SH3GLB2: variants seen among roughly 807,000 people sequenced by gnomAD.
SH3GLB2 encodes endophilin-B2.
Under a neutral mutation model 48.0 loss-of-function variants are expected in SH3GLB2, and 24 were observed. That is an observed-to-expected ratio of 0.50 (90% confidence interval 0.36 to 0.70). The LOEUF (loss-of-function observed/expected upper bound fraction) is 0.70, where lower values mean the gene tolerates loss of function less well. SH3GLB2 is among the 30% of genes least tolerant of loss of function. The probability of loss-of-function intolerance (pLI) is 0.00; values close to 1 mark genes in which losing one functional copy is unlikely to be tolerated. For missense variants in SH3GLB2, 425 were observed against 516.0 expected (o/e 0.82, Z 1.71); for synonymous variants, 227 against 207.6 (o/e 1.09, Z -0.80).
At chr9:129,016,514 C>T (rs924836830) in intron 3 of SH3GLB2, among the ~76,000 whole-genome samples, 1 of 151,576 alleles carries the variant, frequency 6.6e-6, no homozygotes, top group Non-Finnish European at 1.5e-5. Context: ...AAAAATTAGC[C>T]AGGCGTGGTG....
At position 129,009,323 on chromosome 9, in the gene SH3GLB2, G is replaced by A. The variant is rs1240250089; in HGVS notation, c.863C>T (p.Thr288Ile). The change falls in exon 10 of 11, where the codon ACC (threonine) becomes ATC (isoleucine). Residue 288 changes from threonine to isoleucine, a missense_variant. By Grantham distance (89) the Thr-to-Ile change is moderately conservative. Transcript: ENST00000372564. Reference sequence around the variant, plus strand: ...CAGGGGTGGGGAGGCGGGCTCTGTGGTGCCCACGAAGGTGCCGGGAAATCT... The same window carrying A: ...CAGGGGTGGGGAGGCGGGCTCTGTGATGCCCACGAAGGTGCCGGGAAATCT... ...LGRFPGTFVG[T>I]TEPASPPLSS... 2.6e-6 allele frequency: 4 copies of A among 1,545,572 alleles called. No homozygotes were observed. In the South Asian group the frequency reaches 3.6e-5, roughly 14 times the overall value.
In SH3GLB2 at chr9:129,028,288, G is replaced by T. The variant is rs1158679762; in HGVS notation, c.-134C>A. 1 of 487,382 alleles carries T rather than the reference G, an allele frequency of 2.1e-6. No individual in the cohort carries two copies. The highest frequency in any genetic ancestry group is 2.7e-6 in the Non-Finnish European group (1 of 377,018). The allele number at this position is 487,382 out of a possible 1,614,324, so 30.2% of individuals were successfully genotyped here. A position where few individuals can be genotyped will look rare whatever the true frequency, so the allele number is the denominator to read the frequency against. ...CGCGCACCCGCCTGCCGGCCTGCCC[G>T]CCTGCCCGCCCGCCGCAGCCGCCGA... On this transcript the variant is annotated 5_prime_UTR_variant, in exon 1 of 11. Coordinates refer to ENST00000372564, the MANE Select transcript of SH3GLB2 (RefSeq NM_020145.4).
At chr9:129,026,853 C>T (rs1186444545) in intron 1 of SH3GLB2, among the ~76,000 whole-genome samples, 1 of 152,182 alleles carries the variant, frequency 6.6e-6, no homozygotes, top group Non-Finnish European at 1.5e-5. Flanking sequence ...GCTGGGGCTG[C>T]CCACCAGACT....
chr9:129,009,711 C>A, intron 9 of SH3GLB2, 60 bp downstream of exon 9: 1 of 1,504,786 alleles, frequency 6.6e-7, no homozygotes, highest in South Asian at 1.2e-5. Context: ...CTCATGCTGC[C>A]CACGGACAGG....
At chr9:129,020,021 TG>T (rs922800014) in intron 3 of SH3GLB2, among the ~76,000 whole-genome samples, 48 of 150,496 alleles carry the variant, frequency 3.2e-4, no homozygotes, top group Admixed American at 1.3e-3. Context: ...CTGGCCAACA[TG>T]GTAAAACACC....
chr9:129,011,037 C>A lies in SH3GLB2; in HGVS notation c.625-344G>T. 1 of 359,776 alleles carries A rather than the reference C, an allele frequency of 2.8e-6. No homozygotes were observed. The highest frequency in any genetic ancestry group is 5.1e-6 in the Non-Finnish European group (1 of 195,510). The allele number at this position is 359,776 out of a possible 1,614,324, so 22.3% of individuals were successfully genotyped here. A position where few individuals can be genotyped will look rare whatever the true frequency, so the allele number is the denominator to read the frequency against. ...TGGCTCAGGCTGCTGGGCTGGGCGG[C>A]AGAACTGTGTGACCCTGGGCCAGTC... On this transcript the variant is annotated intron_variant, in intron 6 of 10. Coordinates refer to ENST00000372564, the MANE Select transcript of SH3GLB2 (RefSeq NM_020145.4). This position sits in a 1 kb window ranked among gnomAD's most constrained non-coding sequence, Gnocchi z 4.5.
At chr9:129,010,857 G>A in intron 6 of SH3GLB2, 164 bp from the exon 7 acceptor site, 1 of 799,836 alleles carries the variant, frequency 1.3e-6, no homozygotes, top group Non-Finnish European at 2.0e-6. Flanking sequence ...CCCGGCATGG[G>A]AGCTGGGGGC....
At chr9:129,010,281 C>T (rs1843040258) in intron 7 of SH3GLB2, 72 bp from the exon 8 acceptor site, 1 of 1,350,058 alleles carries the variant, frequency 7.4e-7, no homozygotes, top group South Asian at 1.2e-5. Flanking sequence ...CTCCTGGAGC[C>T]TACCTGGGAG....
intron 7 of SH3GLB2, 50 bp downstream of exon 7, chr9:129,010,620 A>G: frequency 6.2e-7 from 1 of 1,605,046 alleles, no homozygotes; most frequent in Non-Finnish European, 8.5e-7. Context: ...GTGTGCCTGC[A>G]CCCCGCCACC....
In SH3GLB2 at chr9:129,007,722, GACCGCT is replaced by G. The variant is rs1842847063; in HGVS notation, c.*956_*961del. The G allele has an allele frequency of 6.6e-6, 1 of 152,248 alleles. No homozygotes were observed. The highest frequency in any genetic ancestry group is 2.4e-5 in the African/African-American group (1 of 41,446). 9.4% of individuals were successfully genotyped at this position (152,248 alleles called of 1,614,324 possible). ...AAACGCCCGACCTGCAGACAGCACT[GACCGCT>G]ACCCACTTCTTGTGCTTGAACTGAA... On this transcript the variant is annotated 3_prime_UTR_variant, in exon 11 of 11. Transcript: ENST00000372564.
In SH3GLB2 at chr9:129,014,774, G is replaced by A; in HGVS notation, c.465C>T (p.Ile155=). Residue 155 remains isoleucine, a synonymous_variant, in exon 4 of 11, where the codon ATC becomes ATT. Transcript: ENST00000372564. This position sits in a 1 kb window ranked among gnomAD's most constrained non-coding sequence, Gnocchi z 4.1. The stretch of plus-strand genomic sequence containing the variant: ...GGAATAGTCCCAGGGCCCTCACCGA[G>A]ATGGTCTTCCAGTCCCCCTCCAGGA... ...RNFLEGDWKT[I]SKERRLLQNR... The A allele has an allele frequency of 6.2e-7, 1 of 1,613,118 alleles. No individual in the cohort carries two copies. Among genetic ancestry groups the A allele is most frequent in the South Asian group, 1.1e-5 (1 of 91,018 alleles).
chr9:129,018,795 G>A (rs1055986550), intron 3 of SH3GLB2, among the ~76,000 whole-genome samples: 1 of 151,114 alleles, frequency 6.6e-6, no homozygotes, highest in Admixed American at 6.6e-5. Flanking sequence ...GGGAGGCTGA[G>A]GCAGGAGAAT....
chr9:129,017,033 C>T (rs1418057677), intron 3 of SH3GLB2, among the ~76,000 whole-genome samples: 12 of 150,002 alleles, frequency 8.0e-5, no homozygotes, highest in East Asian at 2.0e-4. Flanking sequence ...CTGCAACCTA[C>T]GCCTCCCGGG....
intron 3 of SH3GLB2, among the ~76,000 whole-genome samples, chr9:129,018,304 G>T (rs191430394): frequency 1.3e-5 from 2 of 152,114 alleles, no homozygotes; most frequent in Non-Finnish European, 1.5e-5. Context: ...TTGGCTGGGC[G>T]CAGTGGCTCA....
Position 129,008,495 on chromosome 9 carries a change from A to G in SH3GLB2, c.*189T>C. The stretch of plus-strand genomic sequence containing the variant: ...GGCTCCAGAGCCACAGGTCAGAAGC[A>G]GGGCTGGGGGAGGGGTGGAGCCATT... On this transcript the variant is annotated 3_prime_UTR_variant, in exon 11 of 11. Transcript: ENST00000372564. The G allele has an allele frequency of 1.8e-6, 1 of 560,400 alleles. No homozygotes were observed. The allele number at this position is 560,400 out of a possible 1,614,324, so 34.7% of individuals were successfully genotyped here. A position where few individuals can be genotyped will look rare whatever the true frequency, so the allele number is the denominator to read the frequency against.
At position 129,025,107 on chromosome 9, in the gene SH3GLB2, C is replaced by T. The variant is rs531185623; in HGVS notation, c.64-2684G>A. Among the ~76,000 whole-genome samples the T allele has an allele frequency of 1.7e-4, 26 of 150,282 alleles. No homozygotes were observed. In the East Asian group the frequency reaches 5.1e-3, roughly 29 times the overall value. On this transcript the variant is annotated intron_variant, in intron 1 of 10. Transcript: ENST00000372564. ...CCTGGCTAACATAGTAAAACCCCAT[C>T]TCTACTAAAAATACAAGAATTAGCA...
At position 129,010,173 on chromosome 9, in the gene SH3GLB2, C is replaced by A; in HGVS notation, c.685G>T (p.Asp229Tyr). ...AGACGGGTCACTTCTGCTTGCCGGT[C>A]AAACTCTGTCTGGGCCACGCGGAGC... ...QELRVAQTEF[D>Y]RQAEVTRLLL... The change falls in exon 8 of 11, where the codon GAC (aspartate) becomes TAC (tyrosine). Residue 229 changes from aspartate to tyrosine, a missense_variant. Physicochemically the swap from Asp to Tyr is radical, Grantham distance 160. Transcript: ENST00000372564. 6.2e-7 allele frequency: 1 copy of A among 1,614,014 alleles called. No homozygotes were observed. Among genetic ancestry groups the A allele is most frequent in the Non-Finnish European group, 8.5e-7 (1 of 1,179,992 alleles).
At chr9:129,010,855 G>C in intron 6 of SH3GLB2, 162 bp from the exon 7 acceptor site, 1 of 797,836 alleles carries the variant, frequency 1.3e-6, no homozygotes, top group Non-Finnish European at 2.0e-6. Flanking sequence ...GGCCCGGCAT[G>C]GGAGCTGGGG....
intron 10 of SH3GLB2, 36 bp from the exon 11 acceptor site, chr9:129,008,827 G>T: frequency 6.3e-7 from 1 of 1,587,236 alleles, no homozygotes. Context: ...TCATGGCCTG[G>T]CCAAGGGTGG....
Sources: allele counts gnomAD v4.1 joint callset (sites outside exome capture counted in the v4.1 genomes callset), GRCh38; gene constraint gnomAD v4.1.1; non-coding constraint Gnocchi (gnomAD v3.1); transcripts MANE v1.5; gene names NCBI Gene and HGNC (gene_info 2026-07-23, HGNC 2026-07-21).